Variants in PIK3AP1 observed in about 807,000 individuals in gnomAD.
The protein encoded by PIK3AP1 is phosphoinositide-3-kinase adaptor protein 1.
A neutral mutation model predicts 88.1 loss-of-function variants in PIK3AP1; 21 were observed. That is an observed-to-expected ratio of 0.24 (90% CI 0.17 to 0.34). The LOEUF is 0.34. Ranked by LOEUF, PIK3AP1 falls within the 10% of genes least tolerant of loss-of-function variation. PIK3AP1 has a pLI of 1.00. For missense variants in PIK3AP1, 828 were observed against 1,035.7 expected, an observed-to-expected ratio of 0.80 and a Z score of 2.75; for synonymous variants, 398 against 400.0, an observed-to-expected ratio of 1.00 and a Z score of 0.06.
intron 2 of PIK3AP1, among the ~76,000 whole-genome samples, chr10:96,688,242 C>T (rs1377361978): frequency 6.6e-6 from 1 of 151,994 alleles, no homozygotes; most frequent in African/African-American, 2.4e-5. Context: ...TGAGGCCTTG[C>T]AAAAACACAC....
At chr10:96,606,634 T>C (rs1337088729) in intron 14 of PIK3AP1, among the ~76,000 whole-genome samples, 1 of 152,166 alleles carries the variant, frequency 6.6e-6, no homozygotes, top group Non-Finnish European at 1.5e-5. Flanking sequence ...ATCTTCACAC[T>C]TGCCAGGGGG....
intron 2 of PIK3AP1, among the ~76,000 whole-genome samples, chr10:96,698,399 C>T (rs1301165340): frequency 6.6e-6 from 1 of 152,122 alleles, no homozygotes; most frequent in African/African-American, 2.4e-5. Context: ...GCCTGTAATT[C>T]CAGCACTTTG....
intron 2 of PIK3AP1, among the ~76,000 whole-genome samples, chr10:96,657,971 G>A (rs1350809347): frequency 7.3e-5 from 11 of 150,898 alleles, no homozygotes; most frequent in African/African-American, 2.7e-4. Flanking sequence ...GCTGAGGCAG[G>A]AGAATCACTT....
chr10:96,661,199 GC>G (rs1411208754), intron 2 of PIK3AP1, among the ~76,000 whole-genome samples: 3 of 151,244 alleles, frequency 2.0e-5, no homozygotes, highest in South Asian at 4.2e-4. Context: ...AAAAAAAAAA[GC>G]CAATCTGAAA....
At chr10:96,603,898 G>C in intron 15 of PIK3AP1, 81 bp downstream of exon 15, 1 of 1,282,746 alleles carries the variant, frequency 7.8e-7, no homozygotes, top group Non-Finnish European at 1.1e-6. Flanking sequence ...TTTGTGCCTG[G>C]CTCCTTTCAC....
At chr10:96,662,069 G>C (rs1469978754) in intron 2 of PIK3AP1, among the ~76,000 whole-genome samples, 1 of 152,086 alleles carries the variant, frequency 6.6e-6, no homozygotes, top group Non-Finnish European at 1.5e-5. Flanking sequence ...AAATGAGCAA[G>C]ACTTGATAAT....
chr10:96,651,455 C>T, intron 5 of PIK3AP1, 54 bp downstream of exon 5: 1 of 1,613,930 alleles, frequency 6.2e-7, no homozygotes, highest in African/African-American at 1.3e-5. Flanking sequence ...ACTGATAAGC[C>T]ATGAGCAGAA....
intron 16 of PIK3AP1, among the ~76,000 whole-genome samples, chr10:96,600,297 T>A (rs1848865694): frequency 6.6e-6 from 1 of 152,230 alleles, no homozygotes; most frequent in Non-Finnish European, 1.5e-5. Flanking sequence ...AACAGGATAA[T>A]GCATTTAGTA....
intron 13 of PIK3AP1, among the ~76,000 whole-genome samples, chr10:96,613,391 C>T (rs1394077899): frequency 6.6e-6 from 1 of 152,176 alleles, no homozygotes; most frequent in African/African-American, 2.4e-5. Flanking sequence ...GCCCTTGGGG[C>T]TGTCAGGCAG....
At chr10:96,652,490 G>A (rs573211533) in intron 4 of PIK3AP1, among the ~76,000 whole-genome samples, 13 of 151,950 alleles carry the variant, frequency 8.6e-5, no homozygotes, top group Middle Eastern at 3.4e-3. Context: ...GGAGAATGGC[G>A]TGAACCTGGG....
intron 14 of PIK3AP1, 29 bp from the exon 15 acceptor site, chr10:96,604,078 T>C (rs1307468819): frequency 6.7e-7 from 1 of 1,500,364 alleles, no homozygotes; most frequent in Non-Finnish European, 9.1e-7. Context: ...ATCAGCCGGA[T>C]TGAGGATTCT....
At chr10:96,653,707 C>T (rs1450961532) in intron 3 of PIK3AP1, among the ~76,000 whole-genome samples, 1 of 151,968 alleles carries the variant, frequency 6.6e-6, no homozygotes. Flanking sequence ...AGGCTGGTCT[C>T]GAACTCCTGA....
rs953619321 is a variant in PIK3AP1, at chr10:96,595,395, T to A, written c.*182A>T. The A allele has an allele frequency of 1.4e-5, 9 of 629,290 alleles. No individual in the cohort carries two copies. The African/African-American group carries it at 1.7e-4, about 12-fold the overall frequency. The allele number at this position is 629,290 out of a possible 1,614,324, so 39.0% of individuals were successfully genotyped here. A position where few individuals can be genotyped will look rare whatever the true frequency, so the allele number is the denominator to read the frequency against. On this transcript the variant is annotated 3_prime_UTR_variant, in exon 17 of 17. Coordinates refer to ENST00000339364, the MANE Select transcript of PIK3AP1 (RefSeq NM_152309.3). Reference sequence around the variant, plus strand: ...TGAATGAAGCCCTTAGTTTTTCACTTCTTCGTGCCTTAATAAAATCTTCGA... The same window carrying A: ...TGAATGAAGCCCTTAGTTTTTCACTACTTCGTGCCTTAATAAAATCTTCGA...
In PIK3AP1 at chr10:96,709,780, C is replaced by T. The variant is rs146527410; in HGVS notation, c.217G>A (p.Ala73Thr). 3.7e-6 allele frequency: 6 copies of T among 1,613,386 alleles called. No individual in the cohort carries two copies. The highest frequency in any genetic ancestry group is 1.1e-5 in the South Asian group (1 of 91,012). The change falls in exon 2 of 17, where the codon GCG (alanine) becomes ACG (threonine). Residue 73 changes from alanine to threonine, a missense_variant. This residue lies in a region of PIK3AP1 where 610 missense variants were observed against 760.1 expected (regional missense o/e 0.80). Transcript: ENST00000339364. ...TTGTGGAAGTGCTGCACCAGCTCCGCGGACAGCAGCACCACGACACAGCGG... is the reference window on the plus strand; with the variant it reads ...TTGTGGAAGTGCTGCACCAGCTCCGTGGACAGCAGCACCACGACACAGCGG... ...STRCVVVLLS[A>T]ELVQHFHKPA...
At chr10:96,602,094 A>G (rs12249844) in intron 16 of PIK3AP1, among the ~76,000 whole-genome samples, 186 bp downstream of exon 16, 4,921 of 152,288 alleles carry the variant, frequency 0.032, 257 homozygotes, top group African/African-American at 0.11. Context: ...CATGTTAGCC[A>G]GGATGGTCTT....
chr10:96,618,582 G>C (rs1196590316), intron 12 of PIK3AP1: 1 of 74,676 alleles, frequency 1.3e-5, no homozygotes, highest in Non-Finnish European at 2.6e-5. Flanking sequence ...TACACTACAA[G>C]AAAATGTAAA....
chr10:96,704,165 C>T (rs752147214), intron 2 of PIK3AP1, among the ~76,000 whole-genome samples: 3 of 152,110 alleles, frequency 2.0e-5, no homozygotes, highest in South Asian at 2.1e-4. Flanking sequence ...AGGAAGAGAA[C>T]GCAGGAGCTC....
chr10:96,637,819 G>T (rs1364001187), intron 8 of PIK3AP1, among the ~76,000 whole-genome samples: 1 of 152,122 alleles, frequency 6.6e-6, no homozygotes, highest in African/African-American at 2.4e-5. Flanking sequence ...AGGCAAACTG[G>T]TCTCTCCCCA....
intron 7 of PIK3AP1, among the ~76,000 whole-genome samples, chr10:96,646,340 G>A (rs1202330844): frequency 1.3e-5 from 2 of 151,954 alleles, no homozygotes; most frequent in East Asian, 1.9e-4. Flanking sequence ...CCTATCTCCT[G>A]TAATCCATTC....
Sources: allele counts gnomAD v4.1 joint callset (sites outside exome capture counted in the v4.1 genomes callset), GRCh38; gene constraint gnomAD v4.1.1; regional missense constraint gnomAD v4.1.1; transcripts MANE v1.5; gene names NCBI Gene and HGNC (gene_info 2026-07-23, HGNC 2026-07-21).